SLF2: variants seen among roughly 807,000 people sequenced by gnomAD.
SLF2 encodes SMC5-SMC6 complex localization factor protein 2.
Under a neutral mutation model 124.3 loss-of-function variants are expected in SLF2, and 68 were observed. The ratio of observed to expected loss-of-function variants is 0.55; its 90% CI spans 0.45 to 0.67. The LOEUF is 0.67. Ranked by LOEUF, SLF2 falls within the 30% of genes least tolerant of loss-of-function variation. The pLI is 0.00. For missense variants in SLF2, 1,246 were observed against 1,373.7 expected, an observed-to-expected ratio of 0.91 and a Z score of 1.47; for synonymous variants, 480 against 478.8, an observed-to-expected ratio of 1.00 and a Z score of -0.03.
intron 11 of SLF2, among the ~76,000 whole-genome samples, chr10:100,942,504 T>G (rs1258351033): frequency 6.6e-6 from 1 of 152,184 alleles, no homozygotes; most frequent in African/African-American, 2.4e-5. Flanking sequence ...TCATTTTTTT[T>G]TCTTTCTTCC....
intron 6 of SLF2, among the ~76,000 whole-genome samples, chr10:100,927,474 T>C (rs926801590): frequency 2.6e-5 from 4 of 152,230 alleles, no homozygotes; most frequent in African/African-American, 9.7e-5. Context: ...TATAACACAT[T>C]TTCTTTAGTC....
intron 15 of SLF2, among the ~76,000 whole-genome samples, chr10:100,948,244 G>T (rs1455303796): frequency 6.6e-6 from 1 of 152,188 alleles, no homozygotes; most frequent in East Asian, 1.9e-4. Flanking sequence ...GTTTTAAAAT[G>T]AGTCTTTTTA....
Position 100,962,020 on chromosome 10 carries a change from C to A in SLF2, c.*108C>A. 2.0e-6 allele frequency: 2 copies of A among 1,021,376 alleles called. No homozygotes were observed. The highest frequency in any genetic ancestry group is 1.8e-5 in the South Asian group (1 of 55,758). The allele number at this position is 1,021,376 out of a possible 1,614,324, so 63.3% of individuals were successfully genotyped here. A position where few individuals can be genotyped will look rare whatever the true frequency, so the allele number is the denominator to read the frequency against. On this transcript the variant is annotated 3_prime_UTR_variant, in exon 20 of 20. Coordinates refer to ENST00000238961, the MANE Select transcript of SLF2 (RefSeq NM_018121.4). The stretch of plus-strand genomic sequence containing the variant: ...ATCCAATGAATGCCAAGAAAATGTA[C>A]AGCAAATGTGCCACTTGAATATCTA...
intron 15 of SLF2, among the ~76,000 whole-genome samples, chr10:100,949,405 T>C (rs1850168454): frequency 6.6e-6 from 1 of 152,208 alleles, no homozygotes; most frequent in South Asian, 2.1e-4. Flanking sequence ...CAAGTAACAA[T>C]CTAGTTGTGA....
rs558844617 is a variant in SLF2 at position 100,951,013 on chromosome 10, C to T, written c.3330+260C>T. Among the ~76,000 whole-genome samples, 4 of 152,172 alleles carry T rather than the reference C, an allele frequency of 2.6e-5. No homozygotes were observed. The East Asian group carries it at 5.8e-4, about 22-fold the overall frequency. On this transcript the variant is annotated intron_variant, in intron 17 of 19. Transcript: ENST00000238961. ...CCCAACACTTTGGGAGGCCAAGGTGCGTGGATCACTTGAGGTCAGGAGTTC... is the reference window on the plus strand; with the variant it reads ...CCCAACACTTTGGGAGGCCAAGGTGTGTGGATCACTTGAGGTCAGGAGTTC...
intron 17 of SLF2, among the ~76,000 whole-genome samples, chr10:100,951,640 CT>C (rs1242496938): frequency 6.6e-6 from 1 of 152,216 alleles, no homozygotes; most frequent in African/African-American, 2.4e-5. Flanking sequence ...TGGCTTGGGA[CT>C]CCAGTTACAC....
At chr10:100,959,521 T>C (rs1850390875) in intron 19 of SLF2, 25 bp downstream of exon 19, 1 of 1,612,582 alleles carries the variant, frequency 6.2e-7, no homozygotes. Context: ...TACAATTTCA[T>C]GTATTCTTAA....
rs899628618 is a variant in SLF2, at chr10:100,930,983, A to G, written c.2341A>G (p.Lys781Glu). ...TTTACTTTATTTTTTCAGATCGGGA[A>G]AAACAGATCAGATTTTTTTGACAAC... is the stretch of plus-strand genomic sequence containing the variant. ...AVEKLILKSG[K>E]TDQIFLTTQG... Residue 781 changes from lysine to glutamate, a missense_variant, in exon 9 of 20, where the codon AAA (lysine) becomes GAA (glutamate). Coordinates refer to ENST00000238961, the MANE Select transcript of SLF2 (RefSeq NM_018121.4). 2.5e-6 allele frequency: 4 copies of G among 1,613,770 alleles called. No individual in the cohort carries two copies. Among genetic ancestry groups the G allele is most frequent in the Non-Finnish European group, 3.4e-6 (4 of 1,179,708 alleles).
At chr10:100,913,306 G>A (rs3802725) in intron 1 of SLF2, 56 bp downstream of exon 1, 1 of 1,428,080 alleles carries the variant, frequency 7.0e-7, no homozygotes, top group Non-Finnish European at 9.2e-7. Context: ...GGTATGAGGG[G>A]AGGGCTGCAG....
intron 2 of SLF2, among the ~76,000 whole-genome samples, 180 bp from the exon 3 acceptor site, chr10:100,916,387 AATC>A (rs1849414183): frequency 6.6e-6 from 1 of 152,166 alleles, no homozygotes; most frequent in Non-Finnish European, 1.5e-5. Context: ...TTAACAAATA[AATC>A]ATCTCTTAAT....
chr10:100,913,952 A>G, intron 1 of SLF2: 7 of 854,088 alleles, frequency 8.2e-6, no homozygotes, highest in Non-Finnish European at 9.9e-6. Flanking sequence ...TCATGTTACT[A>G]ATACTGTGGT....
intron 19 of SLF2, 22 bp downstream of exon 19, chr10:100,959,518 T>A: frequency 6.2e-7 from 1 of 1,612,640 alleles, no homozygotes; most frequent in Middle Eastern, 1.7e-4. Context: ...TTATACAATT[T>A]CATGTATTCT....
At chr10:100,926,228 G>T in intron 6 of SLF2, 1 of 1,538,558 alleles carries the variant, frequency 6.5e-7, no homozygotes. Context: ...AAGATTACTT[G>T]AGCCCAGGAG....
chr10:100,932,058 A>ATCAAC (rs943183111), intron 9 of SLF2, among the ~76,000 whole-genome samples: 23 of 152,122 alleles, frequency 1.5e-4, no homozygotes, highest in African/African-American at 5.1e-4. Context: ...AAGCTTCTGT[A>ATCAAC]TCAACAAGTA....
Position 100,950,073 on chromosome 10 carries a change from T to A in SLF2, c.3121-3T>A, listed in dbSNP as rs1202697314. 1.3e-6 allele frequency: 2 copies of A among 1,557,526 alleles called. No individual in the cohort carries two copies. Among genetic ancestry groups the A allele is most frequent in the Non-Finnish European group, 1.7e-6 (2 of 1,150,674 alleles). ...GTTCAATGTCTCCTCTTTCTTTTGATAGGTATCAGTCCTACATCGCTATCT... is the reference window on the plus strand; with the variant it reads ...GTTCAATGTCTCCTCTTTCTTTTGAAAGGTATCAGTCCTACATCGCTATCT... On this transcript the variant is annotated splice_polypyrimidine_tract_variant and splice_region_variant and intron_variant, in intron 15 of 19. Transcript: ENST00000238961.
At chr10:100,916,539 C>A (rs537125059) in intron 2 of SLF2, 31 bp from the exon 3 acceptor site, 11 of 1,306,358 alleles carry the variant, frequency 8.4e-6, no homozygotes, top group East Asian at 2.8e-5. Flanking sequence ...TACTAACATG[C>A]AATTTGTATG....
At position 100,930,995 on chromosome 10, in the gene SLF2, ATTT is replaced by A; in HGVS notation, c.2358_2360del (p.Phe786del). 1 of 1,613,940 alleles carries A rather than the reference ATTT, an allele frequency of 6.2e-7. No individual in the cohort carries two copies. Among genetic ancestry groups the A allele is most frequent in the Non-Finnish European group, 8.5e-7 (1 of 1,179,898 alleles). On this transcript the variant is annotated inframe_deletion, in exon 9 of 20. Transcript: ENST00000238961. ...TTTCAGATCGGGAAAAACAGATCAG[ATTT>A]TTTTGACAACACAAGGTTTCCTTAC...
chr10:100,938,519 C>A, intron 10 of SLF2, 76 bp from the exon 11 acceptor site: 2 of 1,396,210 alleles, frequency 1.4e-6, no homozygotes, highest in Non-Finnish European at 2.0e-6. Flanking sequence ...TCATGTTTCA[C>A]CTGCAGACTG....
chr10:100,918,170 A>G (rs562415184), intron 3 of SLF2, among the ~76,000 whole-genome samples: 42 of 152,340 alleles, frequency 2.8e-4, no homozygotes, highest in African/African-American at 9.6e-4. Context: ...CATTTTTATG[A>G]TATTTTTACA....
Sources: allele counts gnomAD v4.1 joint callset (sites outside exome capture counted in the v4.1 genomes callset), GRCh38; gene constraint gnomAD v4.1.1; transcripts MANE v1.5; gene names NCBI Gene and HGNC (gene_info 2026-07-23, HGNC 2026-07-21).